DMD: variants seen among roughly 807,000 people sequenced by gnomAD.
The protein encoded by DMD is dystrophin.
A neutral mutation model predicts 330.1 loss-of-function variants in DMD; 63 were observed. The ratio of observed to expected loss-of-function variants is 0.19; its 90% CI spans 0.16 to 0.24. DMD has a LOEUF of 0.24. DMD is among the 10% of genes least tolerant of loss of function. DMD has a pLI of 1.00. For synonymous variants in DMD, 1,223 were observed against 959.8 expected, an observed-to-expected ratio of 1.27 and a Z score of -5.07; for missense variants, 3,344 against 2,684.1, an observed-to-expected ratio of 1.25 and a Z score of -5.43.
intron 38 of DMD, among the ~76,000 whole-genome samples, chrX:32,347,401 TG>T (rs1167001291): frequency 1.8e-5 from 2 of 111,156 alleles, no homozygotes; most frequent in Non-Finnish European, 3.8e-5. Flanking sequence ...TTCATCTTGG[TG>T]CCCTCTAGTT....
In DMD at chrX:33,128,033, C is replaced by T. The variant is rs1603329455; in HGVS notation, c.31+83249G>A. The T allele has an allele frequency of 1.7e-5, 20 of 1,158,067 alleles. No homozygotes were observed. The South Asian group carries it at 3.5e-4, about 20-fold the overall frequency. ...GAACAGGAGTCATCCAAATATATCCCAGGGGTTGCAAATTGACCAAAAGAG... is the reference window on the plus strand; with the variant it reads ...GAACAGGAGTCATCCAAATATATCCTAGGGGTTGCAAATTGACCAAAAGAG... On this transcript the variant is annotated intron_variant, in intron 1 of 78. Coordinates refer to ENST00000357033, the MANE Select transcript of DMD (RefSeq NM_004006.3).
chrX:32,398,335 T>G (rs1331297001), intron 30 of DMD, among the ~76,000 whole-genome samples: 2 of 106,787 alleles, frequency 1.9e-5, no homozygotes, highest in Non-Finnish European at 3.9e-5. Flanking sequence ...AAAGAAGTTT[T>G]GACTTTTATC....
rs186021005 is a variant in DMD at position 32,660,526 on chromosome X, G to A, written c.961-15374C>T. Among the ~76,000 whole-genome samples, 613 of 111,280 alleles carry A rather than the reference G, an allele frequency of 5.5e-3. 1 individual carries two copies. The highest frequency in any genetic ancestry group is 9.3e-3 in the Non-Finnish European group (491 of 52,778). On this transcript the variant is annotated intron_variant, in intron 9 of 78. Coordinates refer to ENST00000357033, the MANE Select transcript of DMD (RefSeq NM_004006.3). ...TTTCCATTTATTTTCTGTAGGTATA[G>A]AATATTTTATAACTGACCTATTTAT... is the stretch of plus-strand genomic sequence containing the variant.
At position 31,366,416 on chromosome X, in the gene DMD, C is replaced by T. The variant is rs992888196; in HGVS notation, c.9085-17782G>A. Among the ~76,000 whole-genome samples the T allele has an allele frequency of 4.6e-5, 4 of 86,411 alleles. No individual in the cohort carries two copies. In the East Asian group the frequency reaches 1.2e-3, roughly 26 times the overall value. 75.0% of individuals were successfully genotyped at this position (86,411 alleles called of 115,157 possible). On this transcript the variant is annotated intron_variant, in intron 60 of 78. Transcript: ENST00000357033. ...TCACTGGAAAGGGATTAGGAGAATA[C>T]CACCTGGCAGAAGACCATTCTCTTA... is the stretch of plus-strand genomic sequence containing the variant.
intron 30 of DMD, among the ~76,000 whole-genome samples, chrX:32,395,638 T>G (rs1235090428): frequency 8.9e-6 from 1 of 111,912 alleles, no homozygotes; most frequent in African/African-American, 3.2e-5. Flanking sequence ...TAATATCTGC[T>G]GTATAATCTG....
chrX:31,408,662 G>A, intron 60 of DMD, among the ~76,000 whole-genome samples: 1 of 103,259 alleles, frequency 9.7e-6, no homozygotes, highest in Non-Finnish European at 2.0e-5. Flanking sequence ...GCCTCCCAAA[G>A]TGCTGGGATT....
intron 16 of DMD, among the ~76,000 whole-genome samples, chrX:32,554,923 AAGAAAGAAAGAAAGAAAGAGAGAG>A (rs1569190717): frequency 1.0e-4 from 3 of 29,875 alleles, no homozygotes; most frequent in Non-Finnish European, 1.2e-4. Flanking sequence ...GAAAGAAAGA[AAGAAAGAAAGAAAGAAAGAGAGAG>A]AGAGGGAGAG....
intron 60 of DMD, among the ~76,000 whole-genome samples, chrX:31,437,293 C>T (rs906150023): frequency 3.6e-5 from 4 of 111,797 alleles, no homozygotes; most frequent in African/African-American, 1.3e-4. Context: ...ACAGACAATG[C>T]TTGATGCAAA....
intron 9 of DMD, among the ~76,000 whole-genome samples, chrX:32,646,894 A>G (rs2059818224): frequency 9.0e-6 from 1 of 111,203 alleles, no homozygotes; most frequent in Non-Finnish European, 1.9e-5. Context: ...CAAAGAGGGT[A>G]AGTGCACTGA....
intron 1 of DMD, among the ~76,000 whole-genome samples, chrX:33,305,432 G>A (rs1374086345): frequency 5.1e-5 from 4 of 78,198 alleles, no homozygotes; most frequent in Admixed American, 4.3e-4. Context: ...TGGGGGGAGG[G>A]GGGAGGGATA....
intron 13 of DMD, among the ~76,000 whole-genome samples, chrX:32,578,485 G>A (rs1427179569): frequency 8.9e-6 from 1 of 111,833 alleles, no homozygotes; most frequent in African/African-American, 3.2e-5. Flanking sequence ...GATCCACAAC[G>A]GGGAGGATTT....
intron 44 of DMD, among the ~76,000 whole-genome samples, chrX:32,024,701 G>A (rs1311468504): frequency 2.7e-5 from 3 of 110,701 alleles, no homozygotes; most frequent in Admixed American, 1.9e-4. Context: ...TGTCCTGTGG[G>A]ATTGTTGTGA....
intron 44 of DMD, among the ~76,000 whole-genome samples, chrX:32,209,353 G>A (rs2097084541): frequency 9.0e-6 from 1 of 110,950 alleles, no homozygotes; most frequent in Admixed American, 9.7e-5. Context: ...AATTCTGAGA[G>A]GGAGTAGATT....
At chrX:31,857,695 A>G (rs1298602381) in intron 48 of DMD, among the ~76,000 whole-genome samples, 1 of 110,652 alleles carries the variant, frequency 9.0e-6, no homozygotes, top group Non-Finnish European at 1.9e-5. Context: ...TTGAAATTAC[A>G]GAACAAACTG....
chrX:32,984,974 C>T (rs1379722093), intron 2 of DMD, among the ~76,000 whole-genome samples: 2 of 111,698 alleles, frequency 1.8e-5, no homozygotes, highest in African/African-American at 3.3e-5. Flanking sequence ...TTCAACCTCC[C>T]GATATTTAAT....
intron 7 of DMD, among the ~76,000 whole-genome samples, chrX:32,752,222 G>A (rs2070919117): frequency 1.8e-5 from 2 of 111,522 alleles, no homozygotes; most frequent in South Asian, 7.6e-4. Context: ...CACAATCAAT[G>A]CCAGCTCATG....
intron 7 of DMD, among the ~76,000 whole-genome samples, chrX:32,770,496 T>C (rs1409018846): frequency 8.9e-6 from 1 of 111,811 alleles, no homozygotes; most frequent in East Asian, 2.8e-4. Flanking sequence ...TGCTTGATGA[T>C]CAATTGATGT....
At chrX:32,180,948 G>T in intron 44 of DMD, among the ~76,000 whole-genome samples, 1 of 111,283 alleles carries the variant, frequency 9.0e-6, no homozygotes, top group Non-Finnish European at 1.9e-5. Flanking sequence ...TTTGGGTGGG[G>T]ACACAAAGCC....
chrX:31,290,803 C>A (rs1450480744), intron 62 of DMD, among the ~76,000 whole-genome samples: 1 of 111,733 alleles, frequency 8.9e-6, no homozygotes, highest in Non-Finnish European at 1.9e-5. Flanking sequence ...AACAAACAAA[C>A]AAAAAATCCA....
Sources: allele counts gnomAD v4.1 joint callset (sites outside exome capture counted in the v4.1 genomes callset), GRCh38; gene constraint gnomAD v4.1.1; transcripts MANE v1.5; gene names NCBI Gene and HGNC (gene_info 2026-07-23, HGNC 2026-07-21).